IFT74: variants seen among roughly 807,000 people sequenced by gnomAD.
IFT74 encodes intraflagellar transport protein 74 homolog.
In IFT74, 92 loss-of-function variants were observed where a neutral mutation model predicts 96.7. The ratio of observed to expected loss-of-function variants is 0.95; its 90% confidence interval spans 0.80 to 1.13. IFT74 has a LOEUF of 1.13. IFT74 is among the 50% of genes most tolerant of loss of function. The pLI is 0.00. For synonymous variants in IFT74, 223 were observed against 213.2 expected (o/e 1.05, Z -0.40); for missense variants, 811 against 698.2 (o/e 1.16, Z -1.82).
chr9:26,998,034 A>G, intron 8 of IFT74: 2 of 1,613,746 alleles, frequency 1.2e-6, no homozygotes, highest in African/African-American at 1.3e-5. Flanking sequence ...TCTAGACTGG[A>G]GAGGTTACCA....
chr9:27,002,378 G>A (rs527993546), intron 8 of IFT74, among the ~76,000 whole-genome samples: 55 of 152,336 alleles, frequency 3.6e-4, no homozygotes, highest in Non-Finnish European at 4.6e-4. Context: ...GGCTGAGTCC[G>A]AAAAGAGAGT....
intron 13 of IFT74, among the ~76,000 whole-genome samples, chr9:27,037,614 G>A (rs1774241856): frequency 6.6e-6 from 1 of 152,218 alleles, no homozygotes; most frequent in East Asian, 1.9e-4. Flanking sequence ...CCGTAAGAGT[G>A]TCAAGCAGGC....
intron 13 of IFT74, chr9:27,036,576 C>A (rs991255727): frequency 6.3e-7 from 1 of 1,589,586 alleles, no homozygotes; most frequent in Non-Finnish European, 8.5e-7. Flanking sequence ...CTGCTATAGC[C>A]TCCCATTGTT....
intron 4 of IFT74, among the ~76,000 whole-genome samples, chr9:26,983,105 C>A (rs1827459999): frequency 1.3e-5 from 2 of 152,064 alleles, no homozygotes; most frequent in East Asian, 1.9e-4. Flanking sequence ...GCCCTGTTTT[C>A]TTTTATTTCT....
intron 2 of IFT74, among the ~76,000 whole-genome samples, chr9:26,975,765 C>A (rs774985729): frequency 6.6e-6 from 1 of 152,160 alleles, no homozygotes; most frequent in African/African-American, 2.4e-5. Flanking sequence ...TCTTGCCTAT[C>A]GATTTCCATA....
rs1825819541 is a variant in IFT74, at chr9:26,948,448, A to ATTATTATTATTAT, written c.-20+1304_-20+1305insATTATTATTATTT. On this transcript the variant is annotated intron_variant, in intron 1 of 19. Coordinates refer to the IFT74 transcript ENST00000433700. ...TGACAACCTGTGATGGCTTTCCATT[A>ATTATTATTATTAT]TTTTTTTTTTTTTTTTTTTTTTTTT... Among the ~76,000 whole-genome samples the ATTATTATTATTAT allele has an allele frequency of 3.4e-5, 2 of 59,162 alleles. 1 individual carries two copies. The highest frequency in any genetic ancestry group is 1.1e-4 in the African/African-American group (2 of 18,494). 38.8% of individuals were successfully genotyped at this position (59,162 alleles called of 152,430 possible).
chr9:26,984,132 T>G lies in IFT74; in HGVS notation c.306-125T>G, dbSNP rs371240145. Reference sequence around the variant, plus strand: ...AATAAGCCACCTAAACTTTCTGCATTCTTTTAGTGAATTTCACAAAACTAT... The same window carrying G: ...AATAAGCCACCTAAACTTTCTGCATGCTTTTAGTGAATTTCACAAAACTAT... On this transcript the variant is annotated intron_variant, in intron 4 of 19. Coordinates refer to ENST00000380062, the MANE Select transcript of IFT74 (RefSeq NM_025103.4). The G allele has an allele frequency of 2.6e-4, 198 of 754,754 alleles. 1 individual carries two copies. The highest frequency in any genetic ancestry group is 1.9e-4 in the Admixed American group (5 of 26,886). 46.8% of individuals were successfully genotyped at this position (754,754 alleles called of 1,614,324 possible). A position where few individuals can be genotyped will look rare whatever the true frequency, so the allele number is the denominator to read the frequency against.
chr9:26,948,537 C>T lies in IFT74; in HGVS notation c.-20+1391C>T, dbSNP rs533173340. On this transcript the variant is annotated intron_variant, in intron 1 of 19. Coordinates refer to the IFT74 transcript ENST00000433700. ...CAGGCTGAGTGCAGTGGCGCGATCT[C>T]GGCTCACTGCAACCCTCGCCTCCCG... Among the ~76,000 whole-genome samples, 15 of 135,850 alleles carry T rather than the reference C, an allele frequency of 1.1e-4. 1 individual carries two copies. The South Asian group carries it at 3.5e-3, about 32-fold the overall frequency. The allele number at this position is 135,850 out of a possible 152,430, so 89.1% of individuals were successfully genotyped here.
chr9:27,065,990 CAGAT>C lies in IFT74; in HGVS notation c.*3256_*3259del, dbSNP rs1202309890. Reference sequence around the variant, plus strand: ...TACAAAGGTAGATAATTTAGGAAGACAGATAAATAAAATGAAGAAAGTAAGTTAC... The same window carrying C: ...TACAAAGGTAGATAATTTAGGAAGACAAATAAAATGAAGAAAGTAAGTTAC... On this transcript the variant is annotated 3_prime_UTR_variant, in exon 20 of 20. Transcript: ENST00000380062. Among the ~76,000 whole-genome samples, 1 of 152,106 alleles carries C rather than the reference CAGAT, an allele frequency of 6.6e-6. No homozygotes were observed. Among genetic ancestry groups the C allele is most frequent in the Non-Finnish European group, 1.5e-5 (1 of 68,020 alleles).
At chr9:27,052,248 G>T (rs954179617) in intron 16 of IFT74, among the ~76,000 whole-genome samples, 1 of 152,056 alleles carries the variant, frequency 6.6e-6, no homozygotes, top group Admixed American at 6.5e-5. Flanking sequence ...GGTGGCTCAC[G>T]CCTGTAATCC....
rs1029896175 is a variant in IFT74 at position 27,018,669 on chromosome 9, T to C, written c.956T>C (p.Ile319Thr). Residue 319 changes from isoleucine (I) to threonine (T), a missense_variant, in exon 12 of 20, where the codon ATA (isoleucine) becomes ACA (threonine). Coordinates refer to ENST00000380062, the MANE Select transcript of IFT74 (RefSeq NM_025103.4). ...TAGATTAAAGATGATAATCAGGAAA[T>C]AGCCAGCATGGAAAGACAGTAAGTA... ...LKQIKDDNQE[I>T]ASMERQLTDT... 1.0e-5 allele frequency: 16 copies of C among 1,535,308 alleles called. No homozygotes were observed. The highest frequency in any genetic ancestry group is 1.3e-5 in the Non-Finnish European group (15 of 1,121,132).
At chr9:27,050,167 C>T (rs1819860296) in intron 16 of IFT74, among the ~76,000 whole-genome samples, 1 of 152,110 alleles carries the variant, frequency 6.6e-6, no homozygotes, top group South Asian at 2.1e-4. Flanking sequence ...AGGTGATTCT[C>T]TCACCTCAGC....
intron 8 of IFT74, among the ~76,000 whole-genome samples, chr9:26,998,637 A>G (rs535029548): frequency 8.5e-5 from 13 of 152,306 alleles, no homozygotes; most frequent in South Asian, 2.1e-4. Flanking sequence ...TTTAAACTAT[A>G]TGTGTTTTTA....
At chr9:27,047,235 C>G (rs752269855) in intron 14 of IFT74, 39 bp from the exon 15 acceptor site, 1 of 1,219,232 alleles carries the variant, frequency 8.2e-7, no homozygotes. Context: ...AGTGTTAACT[C>G]TATCAGCAGT....
At chr9:27,053,912 G>T (rs778738654) in intron 16 of IFT74, among the ~76,000 whole-genome samples, 3 of 152,098 alleles carry the variant, frequency 2.0e-5, no homozygotes, top group Non-Finnish European at 2.9e-5. Context: ...ATTTCTAACC[G>T]TGGTAGAGAT....
intron 6 of IFT74, among the ~76,000 whole-genome samples, chr9:26,984,990 A>G (rs1427062115): frequency 1.3e-5 from 2 of 152,224 alleles, no homozygotes. Flanking sequence ...ATTTTACCAT[A>G]AAGACACATG....
chr9:27,039,684 T>C (rs1410317315), intron 13 of IFT74, among the ~76,000 whole-genome samples: 1 of 152,180 alleles, frequency 6.6e-6, no homozygotes, highest in Non-Finnish European at 1.5e-5. Context: ...ATTTACAATA[T>C]ATTAGGTATC....
chr9:26,950,472 C>T (rs1415102746), intron 1 of IFT74, among the ~76,000 whole-genome samples: 1 of 152,100 alleles, frequency 6.6e-6, no homozygotes, highest in African/African-American at 2.4e-5. Flanking sequence ...GGTGGGGGGT[C>T]ACTTTTCCTT....
Position 27,047,369 on chromosome 9 carries a change from C to T in IFT74, c.1204C>T (p.Arg402Ter), listed in dbSNP as rs372505229. Residue 402 changes from arginine (R) to a stop codon, truncating the protein, a stop_gained and splice_region_variant, in exon 15 of 20, where the codon CGA becomes TGA. Coordinates refer to ENST00000380062, the MANE Select transcript of IFT74 (RefSeq NM_025103.4). LOFTEE classifies it high-confidence loss of function. ...TGTTGCACTCTTGGAGCACTGCAGT[C>T]GAGTGAGTACCATGTGCCTGTCTTG... ...NIVALLEHCSRNINRIEQISS... is the reference protein window; with the variant it reads ...NIVALLEHCS 16 of 1,589,628 alleles carry T rather than the reference C, an allele frequency of 1.0e-5. No homozygotes were observed. The highest frequency in any genetic ancestry group is 1.1e-5 in the South Asian group (1 of 89,656).
Sources: allele counts gnomAD v4.1 joint callset (sites outside exome capture counted in the v4.1 genomes callset), GRCh38; gene constraint gnomAD v4.1.1; transcripts MANE v1.5; gene names NCBI Gene and HGNC (gene_info 2026-07-23, HGNC 2026-07-21).